Variants in PLGRKT observed in about 807,000 individuals in gnomAD.
PLGRKT encodes the protein plasminogen receptor (KT).
In PLGRKT, 22 loss-of-function variants were observed where a neutral mutation model predicts 18.5. The ratio of observed to expected loss-of-function variants is 1.19; its 90% CI spans 0.85 to 1.70. The LOEUF (loss-of-function observed/expected upper bound fraction) is 1.70, where lower values mean the gene tolerates loss of function less well. Ranked by LOEUF, PLGRKT falls within the 40% of genes most tolerant of loss-of-function variation. PLGRKT has a pLI of 0.00. For synonymous variants in PLGRKT, 72 were observed against 52.8 expected, an observed-to-expected ratio of 1.36 and a Z score of -1.58; for missense variants, 235 against 174.4, an observed-to-expected ratio of 1.35 and a Z score of -1.96.
chr9:5,404,678 A>G (rs1438503340), intron 3 of PLGRKT, among the ~76,000 whole-genome samples: 1 of 152,232 alleles, frequency 6.6e-6, no homozygotes, highest in African/African-American at 2.4e-5. Flanking sequence ...AGCATACTGA[A>G]TGGGCAAAAG....
At position 5,418,733 on chromosome 9, in the gene PLGRKT, G is replaced by A. The variant is rs1285852434; in HGVS notation, c.81+13164C>T. 1.0e-5 allele frequency: 7 copies of A among 677,304 alleles called. No individual in the cohort carries two copies. Among genetic ancestry groups the A allele is most frequent in the East Asian group, 2.8e-5 (1 of 36,270 alleles). 42.0% of individuals were successfully genotyped at this position (677,304 alleles called of 1,614,324 possible). Reference sequence around the variant, plus strand: ...AAGACCGGCATGTGCTCCGAAGCGTGTGGAATGGTGATGACAGCCAGGACC... The same window carrying A: ...AAGACCGGCATGTGCTCCGAAGCGTATGGAATGGTGATGACAGCCAGGACC... On this transcript the variant is annotated intron_variant, in intron 3 of 5. Transcript: ENST00000223864. This position sits in a 1 kb window ranked among gnomAD's most constrained non-coding sequence, Gnocchi z 4.2.
At chr9:5,363,193 G>A (rs1000820741) in intron 3 of PLGRKT, among the ~76,000 whole-genome samples, 1 of 151,846 alleles carries the variant, frequency 6.6e-6, no homozygotes, top group Non-Finnish European at 1.5e-5. Flanking sequence ...CTGGATCCCA[G>A]AGGATCAGCA....
intron 3 of PLGRKT, among the ~76,000 whole-genome samples, chr9:5,427,529 T>A (rs1273046620): frequency 6.6e-6 from 1 of 152,246 alleles, no homozygotes; most frequent in Admixed American, 6.5e-5. Context: ...ACTCTATTTT[T>A]ATTAGTAATT....
chr9:5,407,497 T>C (rs533351793), intron 3 of PLGRKT, among the ~76,000 whole-genome samples: 2 of 152,328 alleles, frequency 1.3e-5, no homozygotes, highest in Middle Eastern at 3.4e-3. Context: ...TATAACCTTA[T>C]TGACTAGCAC....
At chr9:5,432,837 G>A (rs1009788343) in intron 2 of PLGRKT, among the ~76,000 whole-genome samples, 57 of 152,280 alleles carry the variant, frequency 3.7e-4, no homozygotes, top group Admixed American at 3.4e-3. Flanking sequence ...GCGTGATCTC[G>A]GCTGGCTACA....
At chr9:5,410,810 A>G (rs1818348293) in intron 3 of PLGRKT, among the ~76,000 whole-genome samples, 1 of 152,186 alleles carries the variant, frequency 6.6e-6, no homozygotes, top group South Asian at 2.1e-4. Flanking sequence ...TCAGTATATC[A>G]AATAAGCGTT....
intron 3 of PLGRKT, among the ~76,000 whole-genome samples, chr9:5,380,885 G>C (rs927837847): frequency 3.3e-5 from 5 of 152,162 alleles, no homozygotes; most frequent in African/African-American, 1.2e-4. Flanking sequence ...GAGGGAGCTG[G>C]TAGGAGGTGA....
At chr9:5,369,631 T>C (rs757653928) in intron 3 of PLGRKT, among the ~76,000 whole-genome samples, 1 of 152,188 alleles carries the variant, frequency 6.6e-6, no homozygotes, top group African/African-American at 2.4e-5. Flanking sequence ...TAAAGACACA[T>C]GCACACATAT....
chr9:5,361,557 C>T (rs753090274), intron 4 of PLGRKT, among the ~76,000 whole-genome samples: 2 of 152,308 alleles, frequency 1.3e-5, no homozygotes, highest in Non-Finnish European at 2.9e-5. Context: ...GAGAAAAAGA[C>T]AGAAGCAACC....
At chr9:5,428,754 G>C (rs1359689105) in intron 3 of PLGRKT, among the ~76,000 whole-genome samples, 4 of 152,224 alleles carry the variant, frequency 2.6e-5, no homozygotes, top group Non-Finnish European at 5.9e-5. Context: ...CTGGAGTACA[G>C]TGGTATGATC....
chr9:5,393,432 A>G (rs1172403949), intron 3 of PLGRKT, among the ~76,000 whole-genome samples: 1 of 151,900 alleles, frequency 6.6e-6, no homozygotes, highest in Non-Finnish European at 1.5e-5. Flanking sequence ...GATGCTGTAA[A>G]ACCCCAATAT....
intron 3 of PLGRKT, among the ~76,000 whole-genome samples, chr9:5,396,066 G>C (rs1206160951): frequency 6.6e-6 from 1 of 151,322 alleles, no homozygotes; most frequent in African/African-American, 2.4e-5. Flanking sequence ...GCTAATTTTT[G>C]TAGTTTTAGT....
intron 2 of PLGRKT, 40 bp from the exon 3 acceptor site, chr9:5,432,023 C>T: frequency 1.2e-6 from 1 of 847,932 alleles, no homozygotes; most frequent in South Asian, 1.4e-5. Context: ...TAATAATACA[C>T]TACATGCATT....
chr9:5,431,986 A>G lies in PLGRKT; in HGVS notation c.-6-3T>C, dbSNP rs775935834. Reference sequence around the variant, plus strand: ...GAAAATATAAACCCCATTTTGACCTAAAATGTAAAAAAAGCAAGGAGACTT... The same window carrying G: ...GAAAATATAAACCCCATTTTGACCTGAAATGTAAAAAAAGCAAGGAGACTT... On this transcript the variant is annotated splice_region_variant and splice_polypyrimidine_tract_variant and intron_variant, in intron 2 of 5. Transcript: ENST00000223864. 7.6e-6 allele frequency: 10 copies of G among 1,309,850 alleles called. No individual in the cohort carries two copies. In the South Asian group the frequency reaches 1.1e-4, roughly 14 times the overall value. 81.1% of individuals were successfully genotyped at this position (1,309,850 alleles called of 1,614,324 possible). A position where few individuals can be genotyped will look rare whatever the true frequency, so the allele number is the denominator to read the frequency against.
At chr9:5,403,863 T>C (rs963692900) in intron 3 of PLGRKT, among the ~76,000 whole-genome samples, 4 of 152,166 alleles carry the variant, frequency 2.6e-5, no homozygotes, top group African/African-American at 4.8e-5. Context: ...TGCCTGTTCA[T>C]AGGTTCCCCC....
chr9:5,397,662 A>T (rs3858046), intron 3 of PLGRKT, among the ~76,000 whole-genome samples: 96,171 of 150,904 alleles, frequency 0.64, 32,312 homozygotes, highest in African/African-American at 0.85. Context: ...AGCAATGGTC[A>T]GTGGCTTGGA....
intron 3 of PLGRKT, among the ~76,000 whole-genome samples, chr9:5,364,410 T>C (rs972448519): frequency 2.6e-5 from 4 of 152,180 alleles, no homozygotes; most frequent in Non-Finnish European, 5.9e-5. Flanking sequence ...AGTTAATCTG[T>C]ATGGTACTAT....
intron 3 of PLGRKT, among the ~76,000 whole-genome samples, chr9:5,369,278 A>C (rs1817464190): frequency 6.6e-6 from 1 of 152,242 alleles, no homozygotes. Flanking sequence ...TCCATCAAAA[A>C]GTGGGCGAAT....
chr9:5,424,591 T>C (rs988875859), intron 3 of PLGRKT, among the ~76,000 whole-genome samples: 7 of 132,624 alleles, frequency 5.3e-5, no homozygotes, highest in Admixed American at 1.6e-4. Flanking sequence ...TATTATATTA[T>C]ACAGTAATAT....
Sources: gnomAD v4.1 joint callset for allele counts (sites outside exome capture counted in the v4.1 genomes callset) on GRCh38, gnomAD v4.1.1 for gene constraint, Gnocchi (gnomAD v3.1) non-coding constraint, MANE v1.5 for transcripts, NCBI Gene and HGNC (gene_info 2026-07-23, HGNC 2026-07-21) for gene names.